Variants in DNAH11 observed in about 807,000 individuals in gnomAD.
DNAH11 encodes the protein axonemal beta dynein heavy chain 11.
Under a neutral mutation model 526.0 loss-of-function variants are expected in DNAH11, and 442 were observed. That is an observed-to-expected ratio of 0.84 (90% CI 0.78 to 0.91). The LOEUF is 0.91. Ranked by LOEUF, DNAH11 falls within the 40% of genes least tolerant of loss-of-function variation. The probability of loss-of-function intolerance (pLI) is 0.00; values close to 1 mark genes in which losing one functional copy is unlikely to be tolerated. For synonymous variants in DNAH11, 2,461 were observed against 1,935.9 expected, an observed-to-expected ratio of 1.27 and a Z score of -7.12; for missense variants, 6,989 against 5,448.7, an observed-to-expected ratio of 1.28 and a Z score of -8.90.
chr7:21,767,921 A>C (rs1388176571), intron 55 of DNAH11, among the ~76,000 whole-genome samples: 3 of 152,186 alleles, frequency 2.0e-5, no homozygotes, highest in Non-Finnish European at 4.4e-5. Flanking sequence ...TGCTTACACA[A>C]GGTGACCCCC....
At chr7:21,900,403 T>C (rs1476788608) in intron 81 of DNAH11, among the ~76,000 whole-genome samples, 1 of 152,214 alleles carries the variant, frequency 6.6e-6, no homozygotes, top group East Asian at 1.9e-4. Context: ...ATTTACATTC[T>C]TTTTGCTTTT....
At chr7:21,638,696 GTGT>G (rs1786980511) in intron 27 of DNAH11, among the ~76,000 whole-genome samples, 1 of 46,148 alleles carries the variant, frequency 2.2e-5, no homozygotes, top group African/African-American at 7.4e-5. Context: ...AATGGGGTGT[GTGT>G]GTGTGTGTGT....
chr7:21,843,366 T>C (rs142367107), intron 66 of DNAH11, among the ~76,000 whole-genome samples: 24 of 152,140 alleles, frequency 1.6e-4, no homozygotes, highest in African/African-American at 5.5e-4. Flanking sequence ...ATAGTAGATA[T>C]ACTTCCATAA....
At chr7:21,609,588 TAAATC>T (rs1283856449) in intron 20 of DNAH11, among the ~76,000 whole-genome samples, 5 of 152,146 alleles carry the variant, frequency 3.3e-5, no homozygotes, top group South Asian at 2.1e-4. Flanking sequence ...CGATTAAAAA[TAAATC>T]AAAGGGATAT....
chr7:21,636,086 T>C lies in DNAH11; in HGVS notation c.4716T>C (p.Ala1572=), dbSNP rs779097098. ...CTAGAAGATTTGATGGGGTGGATGC[T>C]GAATTTAAGGTTTGTCAAAGACAGG... ...KDARRFDGVD[A]EFKELMFKTA... Residue 1572 remains alanine, a synonymous_variant, in exon 26 of 82, where the codon GCT becomes GCC. Transcript: ENST00000409508. The C allele has an allele frequency of 6.2e-7, 1 of 1,609,550 alleles. No homozygotes were observed. Among genetic ancestry groups the C allele is most frequent in the South Asian group, 1.1e-5 (1 of 90,152 alleles).
In DNAH11 at chr7:21,836,316, A is replaced by G. The variant is rs113335712; in HGVS notation, c.10692-6228A>G. 1.8e-3 allele frequency among the ~76,000 whole-genome samples: 274 copies of G among 152,250 alleles called. 1 individual carries two copies. The highest frequency in any genetic ancestry group is 3.6e-3 in the Non-Finnish European group (243 of 68,012). ...AAACCAACCTTGAGCAAAAAAAACA[A>G]AGCTAGAGGCATCACACTACCTGAC... On this transcript the variant is annotated intron_variant, in intron 65 of 81. Coordinates refer to ENST00000409508, the MANE Select transcript of DNAH11 (RefSeq NM_001277115.2).
At chr7:21,818,678 A>G (rs185650809) in intron 65 of DNAH11, among the ~76,000 whole-genome samples, 92 of 152,336 alleles carry the variant, frequency 6.0e-4, no homozygotes, top group Non-Finnish European at 8.1e-4. Flanking sequence ...GCCTATCTAC[A>G]TATCACTTGT....
At chr7:21,672,526 A>G (rs780778563) in intron 30 of DNAH11, among the ~76,000 whole-genome samples, 1 of 152,166 alleles carries the variant, frequency 6.6e-6, no homozygotes. Flanking sequence ...GCCTCAGGCC[A>G]TTCTCGCTCC....
Position 21,564,378 on chromosome 7 carries a change from G to A in DNAH11, c.1175G>A (p.Cys392Tyr), listed in dbSNP as rs1213883589. 1 of 1,612,206 alleles carries A rather than the reference G, an allele frequency of 6.2e-7. No homozygotes were observed. Among genetic ancestry groups the A allele is most frequent in the East Asian group, 2.2e-5 (1 of 44,856 alleles). Residue 392 changes from cysteine (C) to tyrosine (Y), a missense_variant, in exon 6 of 82, where the codon TGT becomes TAT. Cys to Tyr is a radical substitution (Grantham distance 194). Coordinates refer to ENST00000409508, the MANE Select transcript of DNAH11 (RefSeq NM_001277115.2). ...GTTATAGTTTTATTGCAAGAGTTTT[G>A]TAATCTCTTCATTAACCAGGTATGA... ...ARVIVLLQEF[C>Y]NLFINQATAY...
chr7:21,691,363 G>A (rs1242074135), intron 35 of DNAH11, among the ~76,000 whole-genome samples: 1 of 151,516 alleles, frequency 6.6e-6, no homozygotes, highest in East Asian at 1.9e-4. Flanking sequence ...GGTGGGGGGA[G>A]CAGGAGGGCA....
chr7:21,714,419 T>C (rs1009543953), intron 42 of DNAH11, among the ~76,000 whole-genome samples: 2 of 152,198 alleles, frequency 1.3e-5, no homozygotes, highest in African/African-American at 4.8e-5. Flanking sequence ...TGCAATAAAC[T>C]TTCAATAAGT....
In DNAH11 at chr7:21,543,456, G is replaced by A; in HGVS notation, c.211G>A (p.Gly71Arg). The change falls in exon 1 of 82, where the codon GGG becomes AGG. Residue 71 changes from glycine (G) to arginine (R), a missense_variant. Transcript: ENST00000409508. ...FLGGRLAMML[G>R]FTEEKWSQYL... ...CGGCGGCCGCCTGGCGATGATGCTG[G>A]GGTTCACGGAGGAGAAATGGAGCCA... is the stretch of plus-strand genomic sequence containing the variant. 1 of 1,574,484 alleles carries A rather than the reference G, an allele frequency of 6.4e-7. No individual in the cohort carries two copies. The highest frequency in any genetic ancestry group is 8.6e-7 in the Non-Finnish European group (1 of 1,159,242).
Position 21,725,869 on chromosome 7 carries a change from A to C in DNAH11, c.7325A>C (p.Lys2442Thr), listed in dbSNP as rs114286628. The change falls in exon 45 of 82, where the codon AAA becomes ACA. Residue 2442 changes from lysine (K) to threonine (T), a missense_variant. Transcript: ENST00000409508. ...RWWQKEMKAV[K>T]FPSQGTIFDY... ...TGGCAGAAAGAGATGAAAGCAGTGA[A>C]ATTTCCGTCGCAGGGAACAATCTTT... 6.2e-7 allele frequency: 1 copy of C among 1,611,292 alleles called. No homozygotes were observed. The highest frequency in any genetic ancestry group is 1.1e-5 in the South Asian group (1 of 90,138).
chr7:21,811,494 A>G (rs1289815282), intron 63 of DNAH11, among the ~76,000 whole-genome samples: 2 of 152,068 alleles, frequency 1.3e-5, no homozygotes, highest in Admixed American at 6.6e-5. Context: ...AAATACTTCA[A>G]ACTTTACGAG....
chr7:21,611,229 AT>A (rs1315813205), intron 20 of DNAH11, among the ~76,000 whole-genome samples: 2 of 152,124 alleles, frequency 1.3e-5, no homozygotes, highest in Non-Finnish European at 2.9e-5. Flanking sequence ...GGACATCAGA[AT>A]TCCAGTGTCC....
At chr7:21,655,744 T>C in intron 28 of DNAH11, 88 bp from the exon 29 acceptor site, 1 of 1,339,186 alleles carries the variant, frequency 7.5e-7, no homozygotes, top group Non-Finnish European at 1.0e-6. Context: ...CCATAACGTT[T>C]CATGACTTCA....
intron 62 of DNAH11, among the ~76,000 whole-genome samples, chr7:21,803,392 C>T (rs1789084749): frequency 6.6e-6 from 1 of 152,210 alleles, no homozygotes; most frequent in African/African-American, 2.4e-5. Flanking sequence ...CATTCACCCT[C>T]ATGCATTTTG....
At chr7:21,548,097 A>G (rs1782873043) in intron 2 of DNAH11, among the ~76,000 whole-genome samples, 1 of 130,238 alleles carries the variant, frequency 7.7e-6, no homozygotes, top group Non-Finnish European at 1.7e-5. Flanking sequence ...TACCCAACCC[A>G]TTAATGGGTT....
At chr7:21,578,875 C>A (rs756453659) in intron 8 of DNAH11, among the ~76,000 whole-genome samples, 7 of 152,156 alleles carry the variant, frequency 4.6e-5, no homozygotes, top group Non-Finnish European at 1.0e-4. Flanking sequence ...CCCTGCCTGT[C>A]CCTCCCCAAA....
Sources: allele counts gnomAD v4.1 joint callset (sites outside exome capture counted in the v4.1 genomes callset), GRCh38; gene constraint gnomAD v4.1.1; transcripts MANE v1.5; gene names NCBI Gene and HGNC (gene_info 2026-07-23, HGNC 2026-07-21).